The following SPATS2 variants were observed in gnomAD, a reference collection of about 807,000 sequenced individuals.
SPATS2 encodes spermatogenesis-associated serine-rich protein 2.
In SPATS2, 38 loss-of-function variants were observed where a neutral mutation model predicts 63.7. The ratio of observed to expected loss-of-function variants is 0.60; its 90% CI spans 0.46 to 0.78. The LOEUF (loss-of-function observed/expected upper bound fraction) is 0.78, where lower values mean the gene tolerates loss of function less well. Among genes scored for constraint, SPATS2 ranks in the 30% least tolerant of loss-of-function variants. The pLI is 0.00. For missense variants in SPATS2, 588 were observed against 666.2 expected (o/e 0.88, Z 1.29); for synonymous variants, 207 against 232.9 (o/e 0.89, Z 1.01).
chr12:49,473,264 A>C (rs925608377), intron 3 of SPATS2, among the ~76,000 whole-genome samples: 1 of 152,050 alleles, frequency 6.6e-6, no homozygotes, highest in Non-Finnish European at 1.5e-5. Context: ...AAAAATAAAA[A>C]AATTAGCTGG....
chr12:49,480,639 C>T lies in SPATS2; in HGVS notation c.26-3951C>T, dbSNP rs1490776348. On this transcript the variant is annotated intron_variant, in intron 3 of 13. Transcript: ENST00000552918. ...GGTGACATTTCTTTTGTGTGTATAC[C>T]AAGAAGCAGAATTGCTGCATCATGT... Among the ~76,000 whole-genome samples the T allele has an allele frequency of 2.6e-5, 4 of 152,056 alleles. No homozygotes were observed. In the South Asian group the frequency reaches 8.3e-4, roughly 32 times the overall value.
intron 2 of SPATS2, among the ~76,000 whole-genome samples, chr12:49,379,857 AGG>A (rs1457049916): frequency 2.6e-5 from 4 of 152,010 alleles, no homozygotes; most frequent in Admixed American, 2.0e-4. Context: ...TCCTGACCTC[AGG>A]TGATCTGCCC....
intron 10 of SPATS2, among the ~76,000 whole-genome samples, chr12:49,516,160 AAAAAAAATATATATATATAT>A (rs1402089801): frequency 3.3e-5 from 1 of 29,892 alleles, no homozygotes; most frequent in African/African-American, 2.4e-4. Flanking sequence ...AAAAAAAAAA[AAAAAAAATATATATATATAT>A]ATATATATAT....
At position 49,522,828 on chromosome 12, in the gene SPATS2, G is replaced by A; in HGVS notation, c.1086G>A (p.Lys362=). 6.2e-7 allele frequency: 1 copy of A among 1,613,596 alleles called. No homozygotes were observed. The highest frequency in any genetic ancestry group is 8.5e-7 in the Non-Finnish European group (1 of 1,179,646). Residue 362 remains lysine (K), a synonymous_variant, in exon 12 of 14, where the codon AAG becomes AAA. Coordinates refer to ENST00000552918, the MANE Select transcript of SPATS2 (RefSeq NM_023071.4). The part of the protein sequence containing the change: ...ARFTCDVETL[K]KSIDSFGQVS... ...TCACCTGTGATGTAGAGACCCTAAA[G>A]AAGAGCATTGATTCATTTGGACAAG...
At chr12:49,497,630 G>A (rs972341937) in intron 8 of SPATS2, among the ~76,000 whole-genome samples, 3 of 151,978 alleles carry the variant, frequency 2.0e-5, no homozygotes, top group Non-Finnish European at 2.9e-5. Context: ...TCCTGACCTC[G>A]TGATCCGCCT....
At chr12:49,382,904 C>T (rs1944246939) in intron 2 of SPATS2, among the ~76,000 whole-genome samples, 1 of 151,862 alleles carries the variant, frequency 6.6e-6, no homozygotes, top group Non-Finnish European at 1.5e-5. Flanking sequence ...GGAGTTTCAC[C>T]ATGTTGGCCA....
At chr12:49,512,377 A>G (rs770039568) in intron 9 of SPATS2, among the ~76,000 whole-genome samples, 2 of 152,144 alleles carry the variant, frequency 1.3e-5, no homozygotes, top group Non-Finnish European at 2.9e-5. Flanking sequence ...ATAAGCTAAT[A>G]TATGTATTTT....
intron 9 of SPATS2, among the ~76,000 whole-genome samples, chr12:49,508,460 G>A (rs894666466): frequency 1.3e-5 from 2 of 152,140 alleles, no homozygotes; most frequent in Non-Finnish European, 2.9e-5. Flanking sequence ...CGCCTGATCC[G>A]CCTGCCTTGG....
chr12:49,414,679 A>G (rs1944854481), intron 2 of SPATS2, among the ~76,000 whole-genome samples: 1 of 151,826 alleles, frequency 6.6e-6, no homozygotes, highest in Admixed American at 6.6e-5. Flanking sequence ...ATCATAGCTC[A>G]CTGCAGCCTT....
chr12:49,414,869 G>A (rs1029333243), intron 2 of SPATS2, among the ~76,000 whole-genome samples: 1 of 151,520 alleles, frequency 6.6e-6, no homozygotes, highest in Non-Finnish European at 1.5e-5. Context: ...AAAGTGCTGG[G>A]ATTTTAGGCA....
At chr12:49,375,703 GA>G (rs1944088051) in intron 2 of SPATS2, among the ~76,000 whole-genome samples, 1 of 152,204 alleles carries the variant, frequency 6.6e-6, no homozygotes. Context: ...GACATGTGAT[GA>G]AAACAGTGAA....
intron 2 of SPATS2, among the ~76,000 whole-genome samples, chr12:49,396,727 T>C (rs1944518878): frequency 6.6e-6 from 1 of 152,252 alleles, no homozygotes; most frequent in African/African-American, 2.4e-5. Context: ...GAGAGCTGTT[T>C]CTACTTCGCA....
intron 2 of SPATS2, among the ~76,000 whole-genome samples, chr12:49,438,312 G>A (rs1234561198): frequency 6.6e-6 from 1 of 152,078 alleles, no homozygotes; most frequent in Non-Finnish European, 1.5e-5. Context: ...TTTTTTATTA[G>A]TAGTTTTTAA....
At chr12:49,507,521 C>T (rs1189872922) in intron 9 of SPATS2, among the ~76,000 whole-genome samples, 1 of 152,052 alleles carries the variant, frequency 6.6e-6, no homozygotes, top group Non-Finnish European at 1.5e-5. Flanking sequence ...TTAAAGATTT[C>T]ATTATTCCCT....
intron 2 of SPATS2, among the ~76,000 whole-genome samples, chr12:49,411,939 C>T (rs551066526): frequency 3.9e-5 from 6 of 152,018 alleles, no homozygotes; most frequent in African/African-American, 1.4e-4. Context: ...CCATTTTTTT[C>T]TTCTAAGAGA....
intron 2 of SPATS2, among the ~76,000 whole-genome samples, chr12:49,387,530 G>A (rs187772783): frequency 2.2e-4 from 34 of 151,742 alleles, no homozygotes; most frequent in African/African-American, 8.0e-4. Flanking sequence ...CCAACTACTC[G>A]GGAGGATGAG....
intron 13 of SPATS2, 124 bp from the exon 14 acceptor site, chr12:49,525,820 T>G: frequency 1.3e-5 from 14 of 1,059,342 alleles, no homozygotes; most frequent in Non-Finnish European, 1.7e-5. Flanking sequence ...CTTTGAGTCT[T>G]GAGAGATAAC....
At chr12:49,436,833 T>A in intron 2 of SPATS2, among the ~76,000 whole-genome samples, 2 of 99,950 alleles carry the variant, frequency 2.0e-5, no homozygotes, top group Admixed American at 1.0e-4. Context: ...CCTCACCTCC[T>A]GGACGGGGCG....
chr12:49,378,239 G>A (rs1033876368), intron 2 of SPATS2, among the ~76,000 whole-genome samples: 9 of 150,696 alleles, frequency 6.0e-5, no homozygotes, highest in Admixed American at 2.0e-4. Context: ...CCAAAGTGCT[G>A]GGATATTTAT....
Sources: gnomAD v4.1 joint callset for allele counts (sites outside exome capture counted in the v4.1 genomes callset) on GRCh38, gnomAD v4.1.1 for gene constraint, MANE v1.5 for transcripts, NCBI Gene and HGNC (gene_info 2026-07-23, HGNC 2026-07-21) for gene names.